The following ARPP21 variants were observed in gnomAD, a reference collection of about 807,000 sequenced individuals.
The protein encoded by ARPP21 is cAMP regulated phosphoprotein 21.
A neutral mutation model predicts 113.2 loss-of-function variants in ARPP21; 69 were observed. The observed-to-expected ratio is 0.61, with a 90% CI of 0.50 to 0.74. The LOEUF is 0.74. Ranked by LOEUF, ARPP21 falls within the 30% of genes least tolerant of loss-of-function variation. The pLI, the probability that ARPP21 is intolerant of heterozygous loss-of-function variation, is 0.00. For missense variants in ARPP21, 1,070 were observed against 1,037.4 expected (o/e 1.03, Z -0.43); for synonymous variants, 368 against 375.5 (o/e 0.98, Z 0.23).
intron 14 of ARPP21, among the ~76,000 whole-genome samples, chr3:35,726,182 AGAAAG>A (rs2093521463): frequency 6.6e-6 from 1 of 152,256 alleles, no homozygotes; most frequent in Non-Finnish European, 1.5e-5. Flanking sequence ...AAACCTCTGA[AGAAAG>A]GGAATCAGAA....
At chr3:35,682,950 T>C in intron 4 of ARPP21, 61 bp downstream of exon 4, 1 of 1,458,254 alleles carries the variant, frequency 6.9e-7, no homozygotes, top group South Asian at 1.2e-5. Flanking sequence ...ATATTTTACA[T>C]CAGAGTTAAA....
At chr3:35,680,818 T>TC (rs1195922598) in intron 2 of ARPP21, 1 of 151,810 alleles carries the variant, frequency 6.6e-6, no homozygotes, top group Non-Finnish European at 1.5e-5. Context: ...TTTCTATTTT[T>TC]CTCACAGCTT....
chr3:35,661,004 T>C (rs1231946745), intron 1 of ARPP21, among the ~76,000 whole-genome samples: 6 of 152,160 alleles, frequency 3.9e-5, no homozygotes, highest in Admixed American at 3.9e-4. Flanking sequence ...TAAAGGCAGG[T>C]ACAGGGCTAA....
chr3:35,673,575 C>T lies in ARPP21; in HGVS notation c.-212-6212C>T, dbSNP rs528865026. Among the ~76,000 whole-genome samples, 149 of 151,994 alleles carry T rather than the reference C, an allele frequency of 9.8e-4. 1 individual carries two copies. Among genetic ancestry groups the T allele is most frequent in the Non-Finnish European group, 1.3e-3 (89 of 67,914 alleles). On this transcript the variant is annotated intron_variant, in intron 1 of 20. Transcript: ENST00000684406. The stretch of plus-strand genomic sequence containing the variant: ...AAGTATTGACATAAAACAAAGATGT[C>T]ATAGCAATGGAAACATCTTATTTTC...
intron 19 of ARPP21, among the ~76,000 whole-genome samples, chr3:35,753,041 A>AGTGTGTGTGTGT (rs3086930): frequency 1.7e-4 from 24 of 144,068 alleles, no homozygotes; most frequent in African/African-American, 5.6e-4. Context: ...TATGGCAGGA[A>AGTGTGTGTGTGT]GTGTGTGTGT....
chr3:35,735,901 G>T (rs771072510), intron 15 of ARPP21, among the ~76,000 whole-genome samples: 1 of 152,004 alleles, frequency 6.6e-6, no homozygotes, highest in Non-Finnish European at 1.5e-5. Flanking sequence ...GCCAATACTG[G>T]GTGTTACTTC....
chr3:35,757,621 A>G (rs2095620551), intron 19 of ARPP21, among the ~76,000 whole-genome samples: 1 of 152,094 alleles, frequency 6.6e-6, no homozygotes, highest in Non-Finnish European at 1.5e-5. Context: ...TTATATGTAG[A>G]ATATTTTATA....
chr3:35,663,434 A>G (rs1460390355), intron 1 of ARPP21, among the ~76,000 whole-genome samples: 1 of 152,226 alleles, frequency 6.6e-6, no homozygotes, highest in African/African-American at 2.4e-5. Flanking sequence ...ACAAATTTTT[A>G]TACTTTGAAC....
chr3:35,761,057 A>G (rs973929752), intron 19 of ARPP21, among the ~76,000 whole-genome samples: 3 of 152,120 alleles, frequency 2.0e-5, no homozygotes, highest in Non-Finnish European at 2.9e-5. Context: ...ATATGCCATT[A>G]ATATTTAAGA....
rs370183824 is a variant in ARPP21, at chr3:35,792,494, C to T, written c.2250C>T (p.Ser750=). 112 of 1,613,906 alleles carry T rather than the reference C, an allele frequency of 6.9e-5. No individual in the cohort carries two copies. Among genetic ancestry groups the T allele is most frequent in the Admixed American group, 5.0e-4 (30 of 59,994 alleles). The change falls in exon 20 of 21, where the codon AGC becomes AGT. Residue 750 remains serine (S), a synonymous_variant. Transcript: ENST00000684406. The part of the protein sequence containing the change: ...INNQQGTPVQ[S]VMVSYPTMSS... ...ACCAACAAGGAACTCCGGTGCAAAG[C>T]GTGATGGTTTCCTACCCAACAATGT...
intron 1 of ARPP21, among the ~76,000 whole-genome samples, chr3:35,653,087 CAAAT>C (rs1161836684): frequency 1.3e-5 from 2 of 151,974 alleles, no homozygotes; most frequent in African/African-American, 4.8e-5. Context: ...ATTGTGATTT[CAAAT>C]AAATAATTTG....
Position 35,778,779 on chromosome 3 carries a change from A to G in ARPP21, c.2138-13603A>G, listed in dbSNP as rs371493605. Among the ~76,000 whole-genome samples, 94 of 152,326 alleles carry G rather than the reference A, an allele frequency of 6.2e-4. 1 individual carries two copies. In the East Asian group the frequency reaches 9.1e-3, roughly 15 times the overall value. On this transcript the variant is annotated intron_variant, in intron 19 of 20. Coordinates refer to ENST00000684406, the MANE Select transcript of ARPP21 (RefSeq NM_001385562.1). ...ACACAATTCCTCGAGCTTCACTTTT[A>G]TCTTCTATAAAGTGAGAATAATAAT...
At chr3:35,735,974 C>G (rs73828905) in intron 15 of ARPP21, among the ~76,000 whole-genome samples, 4 of 152,078 alleles carry the variant, frequency 2.6e-5, no homozygotes, top group Non-Finnish European at 5.9e-5. Flanking sequence ...TTTTCAGTTA[C>G]GACACATTTT....
chr3:35,684,679 T>G (rs2080022842), intron 5 of ARPP21: 5 of 985,162 alleles, frequency 5.1e-6, no homozygotes, highest in East Asian at 1.1e-4. Flanking sequence ...TTGGTTTTGC[T>G]TTTTTCCTCT....
At position 35,762,663 on chromosome 3, in the gene ARPP21, G is replaced by C. The variant is rs190499862; in HGVS notation, c.2137+18698G>C. Among the ~76,000 whole-genome samples the C allele has an allele frequency of 3.5e-3, 532 of 152,194 alleles. 5 individuals carry two copies. Among genetic ancestry groups the C allele is most frequent in the African/African-American group, 0.012 (506 of 41,550 alleles). On this transcript the variant is annotated intron_variant, in intron 19 of 20. Coordinates refer to ENST00000684406, the MANE Select transcript of ARPP21 (RefSeq NM_001385562.1). ...CATGCAGTCAATATTTCTTGAATAA[G>C]CAAATGACACACTTCCCTAAAATAA...
intron 19 of ARPP21, among the ~76,000 whole-genome samples, chr3:35,751,938 C>G (rs903217022): frequency 6.6e-6 from 1 of 152,066 alleles, no homozygotes; most frequent in East Asian, 1.9e-4. Context: ...GAAACAGTAT[C>G]TCAATAATTT....
chr3:35,738,596 A>T (rs1168578224), intron 17 of ARPP21, among the ~76,000 whole-genome samples: 3 of 152,200 alleles, frequency 2.0e-5, no homozygotes, highest in African/African-American at 7.2e-5. Flanking sequence ...CAGAGTTAGA[A>T]ATCAGGAACA....
intron 9 of ARPP21, among the ~76,000 whole-genome samples, chr3:35,705,513 G>A (rs1283118594): frequency 6.6e-6 from 1 of 152,152 alleles, no homozygotes; most frequent in Non-Finnish European, 1.5e-5. Flanking sequence ...AGGATAATTT[G>A]ATGGAGGAAT....
chr3:35,768,212 T>C (rs2096061600), intron 19 of ARPP21, among the ~76,000 whole-genome samples: 3 of 151,566 alleles, frequency 2.0e-5, no homozygotes, highest in African/African-American at 7.3e-5. Context: ...TTTAAGTAGA[T>C]AGAATTTTGC....
Sources: allele counts gnomAD v4.1 joint callset (sites outside exome capture counted in the v4.1 genomes callset), GRCh38; gene constraint gnomAD v4.1.1; transcripts MANE v1.5; gene names NCBI Gene and HGNC (gene_info 2026-07-23, HGNC 2026-07-21).